DOCK9: variants seen among roughly 807,000 people sequenced by gnomAD.
DOCK9 encodes the protein dedicator of cytokinesis 9, also known as dedicator of cytokinesis protein 9.
Under a neutral mutation model 263.3 loss-of-function variants are expected in DOCK9, and 89 were observed. The ratio of observed to expected loss-of-function variants is 0.34; its 90% confidence interval spans 0.28 to 0.40. The LOEUF is 0.40. DOCK9 is among the 10% of genes least tolerant of loss of function. DOCK9 has a pLI of 1.00. For missense variants in DOCK9, 2,140 were observed against 2,603.4 expected, an observed-to-expected ratio of 0.82 and a Z score of 3.87; for synonymous variants, 976 against 973.1, an observed-to-expected ratio of 1.00 and a Z score of -0.06.
rs1382618874 is a variant in DOCK9, at chr13:98,837,602, G to C, written c.4206C>G (p.Gly1402=). The C allele has an allele frequency of 6.2e-7, 1 of 1,611,602 alleles. No individual in the cohort carries two copies. Among genetic ancestry groups the C allele is most frequent in the Non-Finnish European group, 8.5e-7 (1 of 1,178,164 alleles). ...GGTGCAGAACATCTGCGTCCGAGTG[G>C]CCATAGCCTGCATGAATTACAACAC... ...DNSLTFNHSY[G]HSDADVLHQS... is the part of the protein sequence containing the mutation. Residue 1402 remains glycine, a synonymous_variant, in exon 39 of 53, where the codon GGC becomes GGG. Coordinates refer to ENST00000682017, the MANE Select transcript of DOCK9 (RefSeq NM_001366683.2).
rs575434722 is a variant in DOCK9 at position 98,836,696 on chromosome 13, A to T, written c.4314+798T>A. ...GAGGGGTGGCGGCTAAGGAGAGTAA[A>T]GGTATATAATAATAAAGGGACACGA... is the stretch of plus-strand genomic sequence containing the variant. On this transcript the variant is annotated intron_variant, in intron 39 of 52. Coordinates refer to ENST00000682017, the MANE Select transcript of DOCK9 (RefSeq NM_001366683.2). Among the ~76,000 whole-genome samples, 5 of 152,308 alleles carry T rather than the reference A, an allele frequency of 3.3e-5. No individual in the cohort carries two copies. The South Asian group carries it at 1.0e-3, about 32-fold the overall frequency.
chr13:98,867,667 T>C (rs1421682346), intron 29 of DOCK9, 131 bp from the exon 30 acceptor site: 6 of 688,638 alleles, frequency 8.7e-6, no homozygotes, highest in African/African-American at 1.8e-5. Context: ...CACACTCTAT[T>C]GCACTGTACA....
At chr13:98,797,537 A>T (rs374041932) in intron 50 of DOCK9, 48 bp from the exon 51 acceptor site, 125 of 1,495,086 alleles carry the variant, frequency 8.4e-5, no homozygotes, top group Non-Finnish European at 1.1e-4. Context: ...GAAAATCACC[A>T]TGACCATCTG....
At chr13:98,903,556 C>A (rs2048627502) in intron 10 of DOCK9, among the ~76,000 whole-genome samples, 2 of 136,808 alleles carry the variant, frequency 1.5e-5, no homozygotes, top group Non-Finnish European at 3.0e-5. Context: ...GCCGAGATTG[C>A]ACCACTGCAC....
intron 5 of DOCK9, among the ~76,000 whole-genome samples, chr13:98,922,363 T>C (rs2052187456): frequency 6.6e-6 from 1 of 152,138 alleles, no homozygotes; most frequent in Admixed American, 6.6e-5. Context: ...TTTATTCCAT[T>C]AAAGGCAAAG....
chr13:98,800,192 G>C lies in DOCK9; in HGVS notation c.5916+96C>G, dbSNP rs1307394969. ...GAGCAGGGATCACTTGGTAAACCGAGGCTCTCAAGTAGACCTTGTTAGTGG... is the reference window on the plus strand; with the variant it reads ...GAGCAGGGATCACTTGGTAAACCGACGCTCTCAAGTAGACCTTGTTAGTGG... On this transcript the variant is annotated intron_variant, in intron 50 of 52. Coordinates refer to ENST00000682017, the MANE Select transcript of DOCK9 (RefSeq NM_001366683.2). The C allele has an allele frequency of 1.2e-5, 15 of 1,299,768 alleles. No individual in the cohort carries two copies. The Admixed American group carries it at 3.4e-4, about 30-fold the overall frequency. The allele number at this position is 1,299,768 out of a possible 1,614,324, so 80.5% of individuals were successfully genotyped here. A position where few individuals can be genotyped will look rare whatever the true frequency, so the allele number is the denominator to read the frequency against.
chr13:98,871,369 T>C (rs2094181214), intron 27 of DOCK9, among the ~76,000 whole-genome samples: 1 of 152,190 alleles, frequency 6.6e-6, no homozygotes, highest in African/African-American at 2.4e-5. Context: ...AGAAGAATGA[T>C]GGATAATTTA....
At chr13:98,931,715 A>G (rs2053968777) in intron 2 of DOCK9, among the ~76,000 whole-genome samples, 1 of 152,148 alleles carries the variant, frequency 6.6e-6, no homozygotes, top group South Asian at 2.1e-4. Flanking sequence ...GTCATGCTTC[A>G]GCCTCCTGAG....
rs1566616385 is a variant in DOCK9, at chr13:98,825,804, C to T, written c.5023+1026G>A. On this transcript the variant is annotated intron_variant, in intron 44 of 52. Coordinates refer to ENST00000682017, the MANE Select transcript of DOCK9 (RefSeq NM_001366683.2). This position sits in a 1 kb window ranked among gnomAD's most constrained non-coding sequence, Gnocchi z 4.1. ...CCATGCAAAGTTAAAAGGGCAAATC[C>T]CCCACCACGGGAGGGCACGTGACCA... 4 of 1,092,814 alleles carry T rather than the reference C, an allele frequency of 3.7e-6. No homozygotes were observed. The highest frequency in any genetic ancestry group is 5.0e-6 in the Non-Finnish European group (4 of 807,826). 67.7% of individuals were successfully genotyped at this position (1,092,814 alleles called of 1,614,324 possible).
Position 99,008,320 on chromosome 13 carries a change from C to T in DOCK9, c.130-52769G>A, listed in dbSNP as rs1443564814. Among the ~76,000 whole-genome samples the T allele has an allele frequency of 2.0e-5, 3 of 151,076 alleles. No homozygotes were observed. In the East Asian group the frequency reaches 5.8e-4, roughly 29 times the overall value. ...TGATCTCAGCTCACTGCAACCTCCG[C>T]CTCCCGGGGTTCAAGCAATTCTCCT... On this transcript the variant is annotated intron_variant, in intron 1 of 32. Transcript: ENST00000427887.
chr13:98,846,009 C>A lies in DOCK9; in HGVS notation c.4113G>T (p.Leu1371Phe), dbSNP rs1350690544. ...PIVHDRKSQTLPVSRNRTGMM... is the reference protein window; with the variant it reads ...PIVHDRKSQTFPVSRNRTGMM... ...TTCCTGTTCTGTTACGGGAAACAGG[C>A]AATGTCTGAGACTTTCGATCATGAA... The change falls in exon 38 of 53, where the codon TTG becomes TTT. Residue 1371 changes from leucine (L) to phenylalanine (F), a missense_variant. By Grantham distance (22) the Leu-to-Phe change is conservative. Transcript: ENST00000682017. 1 of 1,608,004 alleles carries A rather than the reference C, an allele frequency of 6.2e-7. No individual in the cohort carries two copies.
At chr13:99,016,680 C>T (rs891253263) in intron 1 of DOCK9, among the ~76,000 whole-genome samples, 3 of 152,198 alleles carry the variant, frequency 2.0e-5, no homozygotes, top group Non-Finnish European at 2.9e-5. Flanking sequence ...ACCAAGTTGA[C>T]TCTTGCCATT....
At chr13:98,848,547 C>T (rs752800789) in intron 37 of DOCK9, 45 bp downstream of exon 37, 8 of 1,587,428 alleles carry the variant, frequency 5.0e-6, no homozygotes, top group Non-Finnish European at 6.9e-6. Flanking sequence ...CAGAGCCAGG[C>T]ATCACAGAAA....
chr13:98,951,908 T>C (rs2057466336), intron 2 of DOCK9, among the ~76,000 whole-genome samples: 1 of 150,476 alleles, frequency 6.6e-6, no homozygotes, highest in Admixed American at 6.6e-5. Flanking sequence ...ATTCCCTTTT[T>C]TTTTTTGAGA....
At chr13:98,853,830 A>C (rs1489784694) in intron 34 of DOCK9, among the ~76,000 whole-genome samples, 1 of 152,208 alleles carries the variant, frequency 6.6e-6, no homozygotes, top group African/African-American at 2.4e-5. Context: ...TGAGATGCCA[A>C]GTATATTGAA....
Position 98,798,065 on chromosome 13 carries a change from G to A in DOCK9, c.5917-576C>T, listed in dbSNP as rs534030680. Among the ~76,000 whole-genome samples, 8 of 152,278 alleles carry A rather than the reference G, an allele frequency of 5.3e-5. No homozygotes were observed. The South Asian group carries it at 6.2e-4, about 12-fold the overall frequency. ...GCTAGATGTTAGGAGCAGACAGCAC[G>A]GTGAGTGAACCAGAACCCTGCACCA... is the stretch of plus-strand genomic sequence containing the variant. On this transcript the variant is annotated intron_variant, in intron 50 of 52. Coordinates refer to ENST00000682017, the MANE Select transcript of DOCK9 (RefSeq NM_001366683.2).
chr13:98,836,959 T>C (rs902070858), intron 39 of DOCK9, among the ~76,000 whole-genome samples: 20 of 151,998 alleles, frequency 1.3e-4, no homozygotes, highest in African/African-American at 4.8e-4. Flanking sequence ...GGAGAGTGGC[T>C]GAAGAGTCCA....
chr13:98,850,490 A>T (rs1238466603), intron 35 of DOCK9, among the ~76,000 whole-genome samples: 2 of 152,138 alleles, frequency 1.3e-5, no homozygotes, highest in African/African-American at 2.4e-5. Flanking sequence ...TCTCTCCCCA[A>T]CAGGGAATTT....
chr13:98,862,352 A>T (rs1190812765), intron 32 of DOCK9, among the ~76,000 whole-genome samples: 1 of 152,168 alleles, frequency 6.6e-6, no homozygotes, highest in Non-Finnish European at 1.5e-5. Context: ...AGATGAGGTT[A>T]TACTGGGTGA....
Sources: allele counts gnomAD v4.1 joint callset (sites outside exome capture counted in the v4.1 genomes callset), GRCh38; gene constraint gnomAD v4.1.1; non-coding constraint Gnocchi (gnomAD v3.1); transcripts MANE v1.5; gene names NCBI Gene and HGNC (gene_info 2026-07-23, HGNC 2026-07-21).